KLHL24: variants seen among roughly 807,000 people sequenced by gnomAD.
KLHL24 encodes the protein kelch like family member 24, also known as kelch-like protein 24.
Under a neutral mutation model 53.4 loss-of-function variants are expected in KLHL24, and 29 were observed. The observed-to-expected ratio is 0.54, with a 90% CI of 0.40 to 0.74. The LOEUF (loss-of-function observed/expected upper bound fraction) is 0.74. Among genes scored for constraint, KLHL24 ranks in the 30% least tolerant of loss-of-function variants. The pLI is 0.00. For missense variants in KLHL24, 504 were observed against 744.0 expected, an observed-to-expected ratio of 0.68 and a Z score of 3.75; for synonymous variants, 222 against 253.7, an observed-to-expected ratio of 0.88 and a Z score of 1.19.
intron 7 of KLHL24, among the ~76,000 whole-genome samples, chr3:183,674,307 T>TC (rs1483856492): frequency 2.5e-5 from 3 of 118,584 alleles, no homozygotes; most frequent in African/African-American, 6.3e-5. Flanking sequence ...TTCTTTCCTT[T>TC]CTTCCTTCCT....
At chr3:183,655,467 A>G (rs1261838651) in intron 3 of KLHL24, among the ~76,000 whole-genome samples, 1 of 152,120 alleles carries the variant, frequency 6.6e-6, no homozygotes, top group Admixed American at 6.6e-5. Flanking sequence ...TCCTACAGAA[A>G]AAAAAGAAAA....
At position 183,663,225 on chromosome 3, in the gene KLHL24, A is replaced by G. The variant is rs1194057117; in HGVS notation, c.921-233A>G. The stretch of plus-strand genomic sequence containing the variant: ...TTACAATTTTCAGGTCAAAACCAAT[A>G]GAAAAAAATAGCAACAGAAATTTTC... On this transcript the variant is annotated intron_variant, in intron 3 of 7. Coordinates refer to ENST00000242810, the MANE Select transcript of KLHL24 (RefSeq NM_017644.3). The surrounding 1 kb of genome is among the most constrained non-coding windows in gnomAD (Gnocchi z 4.9). Among the ~76,000 whole-genome samples, 1 of 152,172 alleles carries G rather than the reference A, an allele frequency of 6.6e-6. No homozygotes were observed. Among genetic ancestry groups the G allele is most frequent in the African/African-American group, 2.4e-5 (1 of 41,440 alleles).
intron 5 of KLHL24, among the ~76,000 whole-genome samples, chr3:183,665,664 C>G (rs546957325): frequency 1.3e-5 from 2 of 152,092 alleles, no homozygotes; most frequent in East Asian, 3.9e-4. Context: ...GCAGGAGAAT[C>G]GCTTGAACCC....
intron 1 of KLHL24, among the ~76,000 whole-genome samples, chr3:183,638,165 C>CT (rs1715670685): frequency 6.6e-6 from 1 of 152,200 alleles, no homozygotes; most frequent in Non-Finnish European, 1.5e-5. Flanking sequence ...ATGCAATCGT[C>CT]TAACCTTTTG....
rs1717936680 is a variant in KLHL24, at chr3:183,650,221, A to G, written c.-61-75A>G. On this transcript the variant is annotated intron_variant, in intron 2 of 7. Coordinates refer to ENST00000242810, the MANE Select transcript of KLHL24 (RefSeq NM_017644.3). The surrounding 1 kb of genome is among the most constrained non-coding windows in gnomAD (Gnocchi z 4.5). ...ATTATGTGATTTTGTTGTAGTGTTT[A>G]TATTAAAATGAAATTATGTGATTTG... The G allele has an allele frequency of 4.7e-6, 3 of 639,336 alleles. No homozygotes were observed. The highest frequency in any genetic ancestry group is 8.1e-6 in the Non-Finnish European group (3 of 372,628). The allele number at this position is 639,336 out of a possible 1,614,324, so 39.6% of individuals were successfully genotyped here.
At chr3:183,644,953 C>T (rs1277962514) in intron 2 of KLHL24, among the ~76,000 whole-genome samples, 2 of 152,164 alleles carry the variant, frequency 1.3e-5, no homozygotes, top group Non-Finnish European at 2.9e-5. Context: ...AAGAAGCTCA[C>T]GATTTCCATT....
chr3:183,646,037 T>C (rs1717171296), intron 2 of KLHL24, among the ~76,000 whole-genome samples: 3 of 143,598 alleles, frequency 2.1e-5, no homozygotes, highest in African/African-American at 8.1e-5. Flanking sequence ...ATTTGAAATT[T>C]TCTGGGTTTT....
At chr3:183,675,709 GATC>G in intron 7 of KLHL24, among the ~76,000 whole-genome samples, 1 of 151,830 alleles carries the variant, frequency 6.6e-6, no homozygotes, top group African/African-American at 2.4e-5. Context: ...GAGGCAGGAG[GATC>G]ACCTGAGGCC....
At chr3:183,640,243 G>A (rs1007791207) in intron 1 of KLHL24, among the ~76,000 whole-genome samples, 2 of 152,162 alleles carry the variant, frequency 1.3e-5, no homozygotes, top group Admixed American at 1.3e-4. Flanking sequence ...ATGTCTGATG[G>A]TTAACAAGTT....
At chr3:183,669,131 TTA>T in intron 5 of KLHL24, among the ~76,000 whole-genome samples, 1 of 152,268 alleles carries the variant, frequency 6.6e-6, no homozygotes, top group Admixed American at 6.5e-5. Context: ...GGAATACGTA[TTA>T]AAGTTTAATC....
At chr3:183,646,635 C>A (rs1717288122) in intron 2 of KLHL24, among the ~76,000 whole-genome samples, 1 of 151,982 alleles carries the variant, frequency 6.6e-6, no homozygotes. Flanking sequence ...ATATATCTGT[C>A]CAGAGAAAAT....
rs1402395475 is a variant in KLHL24 at position 183,650,906 on chromosome 3, T to A, written c.550T>A (p.Phe184Ile). ...FADTHSLKTLFTKCKNFALQT... is the reference protein window; with the variant it reads ...FADTHSLKTLITKCKNFALQT... ...TGATACCCATTCACTCAAAACACTC[T>A]TCACAAAATGCAAAAATTTTGCGTT... Residue 184 changes from phenylalanine (F) to isoleucine (I), a missense_variant, in exon 3 of 8, where the codon TTC becomes ATC. Transcript: ENST00000242810. The surrounding 1 kb of genome is among the most constrained non-coding windows in gnomAD (Gnocchi z 4.5). 1 of 1,614,208 alleles carries A rather than the reference T, an allele frequency of 6.2e-7. No homozygotes were observed. The highest frequency in any genetic ancestry group is 1.7e-5 in the Admixed American group (1 of 60,028).
intron 3 of KLHL24, among the ~76,000 whole-genome samples, chr3:183,660,148 T>C (rs1386235182): frequency 7.8e-6 from 1 of 127,582 alleles, no homozygotes; most frequent in Non-Finnish European, 1.6e-5. Flanking sequence ...TTTTTTTTTT[T>C]TGAGACAAGG....
chr3:183,640,996 T>C (rs1335058070), intron 1 of KLHL24, among the ~76,000 whole-genome samples: 1 of 152,122 alleles, frequency 6.6e-6, no homozygotes, highest in Non-Finnish European at 1.5e-5. Context: ...CTTTAAACAT[T>C]ACATTTGTAA....
chr3:183,678,967 A>G (rs1209913683), intron 7 of KLHL24, 119 bp from the exon 8 acceptor site: 2 of 758,966 alleles, frequency 2.6e-6, no homozygotes, highest in Non-Finnish European at 4.4e-6. Flanking sequence ...AAAGGACCTT[A>G]GCTTTTATCA....
chr3:183,667,173 A>AAGGTAGGTGG (rs1720686857), intron 5 of KLHL24, among the ~76,000 whole-genome samples: 1 of 152,170 alleles, frequency 6.6e-6, no homozygotes, highest in East Asian at 1.9e-4. Flanking sequence ...TAATCCCAGC[A>AAGGTAGGTGG]CTTTGGGAGG....
intron 7 of KLHL24, among the ~76,000 whole-genome samples, chr3:183,675,961 A>C (rs902737507): frequency 2.6e-5 from 4 of 152,232 alleles, no homozygotes; most frequent in African/African-American, 9.6e-5. Context: ...TAGGACACAC[A>C]TGGCACATTT....
chr3:183,676,738 T>A (rs1711952347), intron 7 of KLHL24, among the ~76,000 whole-genome samples: 1 of 152,102 alleles, frequency 6.6e-6, no homozygotes, highest in Non-Finnish European at 1.5e-5. Context: ...TTAAAAAAAA[T>A]TGTGGGATTT....
chr3:183,669,156 C>T, intron 5 of KLHL24, among the ~76,000 whole-genome samples: 1 of 151,830 alleles, frequency 6.6e-6, no homozygotes, highest in East Asian at 1.9e-4. Context: ...CAAAATTATG[C>T]CATGTGATAG....
Sources: gnomAD v4.1 joint callset for allele counts (sites outside exome capture counted in the v4.1 genomes callset) on GRCh38, gnomAD v4.1.1 for gene constraint, Gnocchi (gnomAD v3.1) non-coding constraint, MANE v1.5 for transcripts, NCBI Gene and HGNC (gene_info 2026-07-23, HGNC 2026-07-21) for gene names.